LUC7L: variants seen among roughly 807,000 people sequenced by gnomAD.
LUC7L encodes the protein LUC7 like.
In LUC7L, 29 loss-of-function variants were observed where a neutral mutation model predicts 51.1. The ratio of observed to expected loss-of-function variants is 0.57; its 90% CI spans 0.42 to 0.77. The LOEUF is 0.77. LUC7L is among the 30% of genes least tolerant of loss of function. The probability of loss-of-function intolerance (pLI) is 0.00; values close to 1 mark genes in which losing one functional copy is unlikely to be tolerated. For missense variants in LUC7L, 403 were observed against 511.9 expected (o/e 0.79, Z 2.05); for synonymous variants, 181 against 180.7 (o/e 1.00, Z -0.01).
intron 5 of LUC7L, among the ~76,000 whole-genome samples, chr16:202,138 C>T (rs1462078584): frequency 6.6e-6 from 1 of 152,046 alleles, no homozygotes; most frequent in Non-Finnish European, 1.5e-5. Context: ...CCTCGACCTT[C>T]CAAAGTGTTG....
chr16:226,817 G>A (rs1289097706), intron 2 of LUC7L, among the ~76,000 whole-genome samples: 1 of 152,180 alleles, frequency 6.6e-6, no homozygotes, highest in Non-Finnish European at 1.5e-5. Flanking sequence ...TTTACAGACA[G>A]AATTTTACAA....
chr16:218,710 G>T (rs559566032), intron 3 of LUC7L, among the ~76,000 whole-genome samples: 1 of 151,784 alleles, frequency 6.6e-6, no homozygotes, highest in South Asian at 2.1e-4. Context: ...AACAGAGGGA[G>T]ACTCTGTCTC....
Position 192,929 on chromosome 16 carries a change from C to A in LUC7L, c.774G>T (p.Arg258Ser), listed in dbSNP as rs2049048364. The A allele has an allele frequency of 1.9e-6, 3 of 1,612,400 alleles. No homozygotes were observed. Among genetic ancestry groups the A allele is most frequent in the Non-Finnish European group, 2.5e-6 (3 of 1,179,878 alleles). Residue 258 changes from arginine to serine, a missense_variant and splice_region_variant, in exon 7 of 10, where the codon AGG (arginine) becomes AGT (serine). By Grantham distance (110) the Arg-to-Ser change is moderately radical (BLOSUM62 -1). This residue lies in a region of LUC7L where 206 missense variants were observed against 218.3 expected (regional missense o/e 0.94). Coordinates refer to ENST00000293872, the MANE Select transcript of LUC7L (RefSeq NM_201412.3). Reference sequence around the variant, plus strand: ...CCAGTGCCAGCCCTCAGGCTCACCTCCTGCTCAGACGCTCCTCCCGTTCCC... The same window carrying A: ...CCAGTGCCAGCCCTCAGGCTCACCTACTGCTCAGACGCTCCTCCCGTTCCC... ...EEREREERLS[R>S]RSGSRTRDRR...
chr16:226,632 T>C (rs1177337500), intron 2 of LUC7L, among the ~76,000 whole-genome samples: 1 of 152,182 alleles, frequency 6.6e-6, no homozygotes, highest in Non-Finnish European at 1.5e-5. Context: ...AAATGTACCT[T>C]GCTAGATCAA....
chr16:192,144 C>G (rs1225897766), intron 7 of LUC7L, among the ~76,000 whole-genome samples: 1 of 152,142 alleles, frequency 6.6e-6, no homozygotes, highest in Non-Finnish European at 1.5e-5. Context: ...AGCTTCATTT[C>G]CTCCTCTGCA....
rs749511003 is a variant in LUC7L at position 199,055 on chromosome 16, A to T, written c.687+7T>A. On this transcript the variant is annotated splice_region_variant and intron_variant, in intron 6 of 9. Coordinates refer to ENST00000293872, the MANE Select transcript of LUC7L (RefSeq NM_201412.3). The stretch of plus-strand genomic sequence containing the variant: ...CCTCAGCTTTCTCCAGAAACAGATG[A>T]ACATACCCTCAACTGATCAAGCTTC... 1 of 1,586,914 alleles carries T rather than the reference A, an allele frequency of 6.3e-7. No homozygotes were observed. The highest frequency in any genetic ancestry group is 8.6e-7 in the Non-Finnish European group (1 of 1,160,576).
At chr16:226,552 G>A (rs1205844735) in intron 2 of LUC7L, among the ~76,000 whole-genome samples, 1 of 152,078 alleles carries the variant, frequency 6.6e-6, no homozygotes, top group East Asian at 1.9e-4. Context: ...TTGAAGGGGT[G>A]GCACAACACA....
intron 3 of LUC7L, chr16:209,007 A>C (rs2049562361): frequency 6.6e-6 from 1 of 151,608 alleles, no homozygotes; most frequent in African/African-American, 2.4e-5. Flanking sequence ...CAGTCTAGCC[A>C]ACATGGTCTC....
chr16:192,682 T>C (rs780471737), intron 7 of LUC7L, among the ~76,000 whole-genome samples: 35 of 152,124 alleles, frequency 2.3e-4, no homozygotes, highest in Non-Finnish European at 3.8e-4. Flanking sequence ...TCTGTATTTT[T>C]AGTAGAGACA....
chr16:195,464 T>G (rs2049123335), intron 6 of LUC7L, among the ~76,000 whole-genome samples: 1 of 151,990 alleles, frequency 6.6e-6, no homozygotes, highest in Non-Finnish European at 1.5e-5. Flanking sequence ...TCCTCTGTTG[T>G]CTAGGTTGGA....
chr16:219,687 A>T (rs1303898138), intron 3 of LUC7L, among the ~76,000 whole-genome samples: 3 of 152,094 alleles, frequency 2.0e-5, no homozygotes, highest in Non-Finnish European at 4.4e-5. Flanking sequence ...AGCCTGATCA[A>T]CATGGAGAAA....
At chr16:205,971 T>C in intron 5 of LUC7L, 33 bp downstream of exon 5, 1 of 1,582,922 alleles carries the variant, frequency 6.3e-7, no homozygotes, top group South Asian at 1.2e-5. Context: ...ATTACTAAGA[T>C]TTCTCTTGCC....
At position 220,620 on chromosome 16, in the gene LUC7L, G is replaced by C. The variant is rs751206835; in HGVS notation, c.255+29C>G. The C allele has an allele frequency of 2.0e-6, 3 of 1,496,660 alleles. No homozygotes were observed. In the Admixed American group the frequency reaches 5.1e-5, roughly 26 times the overall value. 92.7% of individuals were successfully genotyped at this position (1,496,660 alleles called of 1,614,324 possible). A position where few individuals can be genotyped will look rare whatever the true frequency, so the allele number is the denominator to read the frequency against. On this transcript the variant is annotated intron_variant, in intron 3 of 9. Transcript: ENST00000293872. ...GTTCAATATTGGGTTCTTCGCAGTA[G>C]GAATAAATCAACATTAAATAAAACT...
chr16:190,672 G>A (rs878929239), intron 7 of LUC7L, 102 bp from the exon 8 acceptor site: 29 of 1,027,330 alleles, frequency 2.8e-5, no homozygotes, highest in South Asian at 1.6e-4. Flanking sequence ...CTGAGGTCAC[G>A]AGCTGGAGAC....
Position 199,442 on chromosome 16 carries a change from C to CT in LUC7L, c.511-205dup, listed in dbSNP as rs1426439935. ...AACGCGGCCAGGCACGGTCCCAGCA[C>CT]TTTGTGAGGCCAGGTGGGCGGACCA... On this transcript the variant is annotated intron_variant, in intron 5 of 9. Coordinates refer to ENST00000293872, the MANE Select transcript of LUC7L (RefSeq NM_201412.3). Among the ~76,000 whole-genome samples the CT allele has an allele frequency of 2.0e-5, 3 of 152,276 alleles. No individual in the cohort carries two copies. The East Asian group carries it at 5.8e-4, about 29-fold the overall frequency.
chr16:225,318 T>C (rs1433206803), intron 2 of LUC7L, among the ~76,000 whole-genome samples: 1 of 151,640 alleles, frequency 6.6e-6, no homozygotes, highest in African/African-American at 2.4e-5. Context: ...AAACCCCGTC[T>C]CTACTGAAAA....
intron 1 of LUC7L, 123 bp from the exon 2 acceptor site, chr16:227,459 G>A (rs1203974): frequency 0.55 from 811,400 of 1,476,470 alleles, 223,973 homozygotes; most frequent in South Asian, 0.63. Context: ...CCCATCAAAT[G>A]CAATGAAAAG....
chr16:189,947 C>G, intron 9 of LUC7L, 21 bp downstream of exon 9: 1 of 1,596,672 alleles, frequency 6.3e-7, no homozygotes, highest in Admixed American at 1.7e-5. Context: ...TTGCAGCTAC[C>G]GAAGGAGTCA....
chr16:227,564 C>T (rs1256326603), intron 1 of LUC7L: 6 of 1,355,822 alleles, frequency 4.4e-6, no homozygotes, highest in East Asian at 2.9e-5. Flanking sequence ...CTGACTCCAT[C>T]ACTGTACCAA....
Sources: gnomAD v4.1 joint callset for allele counts (sites outside exome capture counted in the v4.1 genomes callset) on GRCh38, gnomAD v4.1.1 for gene constraint, gnomAD v4.1.1 regional missense constraint, MANE v1.5 for transcripts, NCBI Gene and HGNC (gene_info 2026-07-23, HGNC 2026-07-21) for gene names.